The following ERI1 variants were observed in gnomAD, a reference collection of about 807,000 sequenced individuals.
ERI1 encodes 3'-5' exoribonuclease 1.
In ERI1, 39 loss-of-function variants were observed where a neutral mutation model predicts 39.7. The ratio of observed to expected loss-of-function variants is 0.98; its 90% CI spans 0.76 to 1.28. The LOEUF (loss-of-function observed/expected upper bound fraction) is 1.28. ERI1 is among the 50% of genes most tolerant of loss of function. The pLI is 0.00. For synonymous variants in ERI1, 204 were observed against 149.6 expected (o/e 1.36, Z -2.65); for missense variants, 581 against 416.9 (o/e 1.39, Z -3.43).
intron 3 of ERI1, among the ~76,000 whole-genome samples, chr8:9,012,370 A>G (rs1816761864): frequency 2.0e-5 from 3 of 152,214 alleles, no homozygotes; most frequent in African/African-American, 4.8e-5. Context: ...CCCTAAAATA[A>G]TACTGTTTAC....
chr8:9,030,280 G>C lies in ERI1; in HGVS notation c.*246G>C. On this transcript the variant is annotated 3_prime_UTR_variant, in exon 7 of 7. Coordinates refer to ENST00000250263, the MANE Select transcript of ERI1 (RefSeq NM_153332.4). Reference sequence around the variant, plus strand: ...ATAGTAACAGTTCCTGCTTACAACTGAATTTTATAATTTAAGGTGTTCAAG... The same window carrying C: ...ATAGTAACAGTTCCTGCTTACAACTCAATTTTATAATTTAAGGTGTTCAAG... 4.1e-6 allele frequency: 2 copies of C among 482,746 alleles called. No homozygotes were observed. Among genetic ancestry groups the C allele is most frequent in the East Asian group, 6.6e-5 (2 of 30,158 alleles). 29.9% of individuals were successfully genotyped at this position (482,746 alleles called of 1,614,324 possible). A position where few individuals can be genotyped will look rare whatever the true frequency, so the allele number is the denominator to read the frequency against.
At chr8:9,038,117 A>G (rs1219806355), downstream of ERI1, among the ~76,000 whole-genome samples, 1 of 152,226 alleles carries the variant, frequency 6.6e-6, no homozygotes, top group African/African-American at 2.4e-5. Context: ...AGGCTTCATT[A>G]TATAATCAGT....
rs115608675 is a variant in ERI1 at position 9,052,880 on chromosome 8, G to T, written n.299+32416G>T. Among the ~76,000 whole-genome samples the T allele has an allele frequency of 6.6e-3, 1,011 of 152,242 alleles. 13 individuals carry two copies. Among genetic ancestry groups the T allele is most frequent in the African/African-American group, 0.023 (951 of 41,528 alleles). ...GCCCTTAAATAGTTTCAGGAGAGAG[G>T]CTGGCCACACTACAAAGACCAAGCT... On this transcript the variant is annotated intron_variant and non_coding_transcript_variant, in intron 3 of 3. Coordinates refer to the ERI1 transcript ENST00000518663.
intron 6 of ERI1, among the ~76,000 whole-genome samples, chr8:9,029,373 G>C (rs1797422021): frequency 6.6e-6 from 1 of 152,122 alleles, no homozygotes; most frequent in Non-Finnish European, 1.5e-5. Context: ...CTGTTGTTCA[G>C]GCTGGAGTGC....
chr8:9,007,392 A>C (rs1401044839), intron 1 of ERI1, among the ~76,000 whole-genome samples: 1 of 152,220 alleles, frequency 6.6e-6, no homozygotes, highest in East Asian at 1.9e-4. Flanking sequence ...GTTATTACAC[A>C]TGTATAATGT....
chr8:9,045,590 A>G (rs1798148764), intron 3 of ERI1, among the ~76,000 whole-genome samples: 4 of 152,048 alleles, frequency 2.6e-5, no homozygotes, highest in Admixed American at 2.6e-4. Context: ...TGAGCCCAGG[A>G]ATTTGAGATC....
chr8:9,096,332 G>C (rs978299326), intron 3 of ERI1, among the ~76,000 whole-genome samples: 1 of 152,158 alleles, frequency 6.6e-6, no homozygotes, highest in African/African-American at 2.4e-5. Flanking sequence ...CAGGATCTTG[G>C]AGGCTGGGGA....
intron 3 of ERI1, among the ~76,000 whole-genome samples, chr8:9,077,950 C>G (rs1253092341): frequency 1.3e-5 from 2 of 152,150 alleles, no homozygotes; most frequent in Admixed American, 6.5e-5. Flanking sequence ...CCAGAATACT[C>G]TCATGGTCTT....
intron 3 of ERI1, among the ~76,000 whole-genome samples, chr8:9,053,443 G>C (rs984588539): frequency 6.6e-6 from 1 of 152,196 alleles, no homozygotes; most frequent in African/African-American, 2.4e-5. Flanking sequence ...CATGCCCAGA[G>C]AGGGAATGGA....
chr8:9,022,953 G>A (rs938060706), intron 6 of ERI1, among the ~76,000 whole-genome samples: 6 of 151,976 alleles, frequency 3.9e-5, no homozygotes, highest in African/African-American at 1.5e-4. Context: ...AAAAGCTAAG[G>A]GTCATTTTCT....
At chr8:9,062,095 A>C (rs1286542947) in intron 3 of ERI1, among the ~76,000 whole-genome samples, 1 of 152,148 alleles carries the variant, frequency 6.6e-6, no homozygotes, top group Admixed American at 6.5e-5. Flanking sequence ...GGGAATTGTA[A>C]GGGGAGTTTA....
At chr8:9,073,728 CTT>C (rs1219379215) in intron 3 of ERI1, among the ~76,000 whole-genome samples, 5 of 152,144 alleles carry the variant, frequency 3.3e-5, no homozygotes, top group African/African-American at 1.2e-4. Context: ...TAGAAAGCCT[CTT>C]ATTTCTTAAA....
intron 3 of ERI1, among the ~76,000 whole-genome samples, chr8:9,093,986 C>T (rs1247452110): frequency 6.6e-6 from 1 of 152,168 alleles, no homozygotes; most frequent in East Asian, 1.9e-4. Flanking sequence ...ATAAAGGAAA[C>T]TTCTTTTTTA....
chr8:9,048,907 A>C (rs1054638306), intron 3 of ERI1, among the ~76,000 whole-genome samples: 1 of 151,932 alleles, frequency 6.6e-6, no homozygotes, highest in African/African-American at 2.4e-5. Flanking sequence ...CAGCCTCCCA[A>C]AGTGCTGGGA....
At chr8:9,008,214 A>C (rs1223841014) in intron 2 of ERI1, 66 bp downstream of exon 2, 15 of 1,286,800 alleles carry the variant, frequency 1.2e-5, no homozygotes, top group Non-Finnish European at 3.2e-6. Flanking sequence ...TCTTGAAAAC[A>C]TTGAAATATT....
chr8:9,044,101 G>T lies in ERI1; in HGVS notation n.299+23637G>T, dbSNP rs532730565. Among the ~76,000 whole-genome samples, 19 of 152,302 alleles carry T rather than the reference G, an allele frequency of 1.2e-4. No homozygotes were observed. The South Asian group carries it at 3.3e-3, about 27-fold the overall frequency. On this transcript the variant is annotated intron_variant and non_coding_transcript_variant, in intron 3 of 3. Transcript: ENST00000518663. ...TTTTCCTTACAAAACTCTTCATAGG[G>T]TTGTTGTCGGAGTTAAATAGGATAT...
chr8:9,080,688 C>T (rs1168507648), intron 3 of ERI1, among the ~76,000 whole-genome samples: 1 of 152,138 alleles, frequency 6.6e-6, no homozygotes, highest in Non-Finnish European at 1.5e-5. Context: ...CAGCACAGAG[C>T]TCTGAGTGTG....
intron 1 of ERI1, among the ~76,000 whole-genome samples, chr8:9,003,674 C>G (rs2979261): frequency 2.0e-5 from 3 of 152,138 alleles, no homozygotes; most frequent in Admixed American, 2.0e-4. Context: ...TCTCATATAA[C>G]CATAGTATAA....
chr8:9,096,540 GTGAGGA>G (rs1799881828), intron 3 of ERI1, among the ~76,000 whole-genome samples: 1 of 152,114 alleles, frequency 6.6e-6, no homozygotes, highest in Non-Finnish European at 1.5e-5. Context: ...AGGGCTCACT[GTGAGGA>G]TGATCAGGAG....
Sources: allele counts gnomAD v4.1 joint callset (sites outside exome capture counted in the v4.1 genomes callset), GRCh38; gene constraint gnomAD v4.1.1; transcripts MANE v1.5; gene names NCBI Gene and HGNC (gene_info 2026-07-23, HGNC 2026-07-21).